Variants in ZPBP observed in about 807,000 individuals in gnomAD.
ZPBP encodes the protein zona pellucida binding protein.
Under a neutral mutation model 44.8 loss-of-function variants are expected in ZPBP, and 26 were observed. The ratio of observed to expected loss-of-function variants is 0.58; its 90% CI spans 0.43 to 0.81. The LOEUF is 0.81. ZPBP is among the 30% of genes least tolerant of loss of function. The pLI is 0.00. For synonymous variants in ZPBP, 174 were observed against 153.2 expected, an observed-to-expected ratio of 1.14 and a Z score of -1.00; for missense variants, 409 against 434.0, an observed-to-expected ratio of 0.94 and a Z score of 0.51.
intron 1 of ZPBP, chr7:49,913,066 GT>G (rs2128743786): frequency 1.3e-5 from 2 of 152,236 alleles, no homozygotes; most frequent in Non-Finnish European, 2.9e-5. Context: ...TCCTAAACAA[GT>G]TTATATACCT....
At chr7:50,024,862 A>G (rs1799252015) in intron 5 of ZPBP, among the ~76,000 whole-genome samples, 1 of 151,928 alleles carries the variant, frequency 6.6e-6, no homozygotes, top group Non-Finnish European at 1.5e-5. Context: ...TGGAGGGGAA[A>G]AGAAAGATAA....
chr7:50,017,641 C>A (rs1191670118), intron 6 of ZPBP, among the ~76,000 whole-genome samples: 1 of 152,000 alleles, frequency 6.6e-6, no homozygotes, highest in Non-Finnish European at 1.5e-5. Context: ...CACTTTACAA[C>A]CATTATAATG....
At position 49,860,333 on chromosome 7, in the gene ZPBP, A is replaced by G. The variant is rs62456374; in HGVS notation, n.510-9819T>C. Among the ~76,000 whole-genome samples, 386 of 152,336 alleles carry G rather than the reference A, an allele frequency of 2.5e-3. 4 individuals carry two copies. The highest frequency in any genetic ancestry group is 4.6e-3 in the Non-Finnish European group (312 of 68,036). On this transcript the variant is annotated intron_variant and non_coding_transcript_variant, in intron 2 of 2. Transcript: ENST00000465922. The stretch of plus-strand genomic sequence containing the variant: ...AATTTACCTGTTCTAGCTATTTCAC[A>G]TGAGTAGACTCATTCAATATTTGTC...
chr7:50,002,113 G>C (rs1798125292), intron 6 of ZPBP, among the ~76,000 whole-genome samples: 1 of 152,054 alleles, frequency 6.6e-6, no homozygotes, highest in Non-Finnish European at 1.5e-5. Flanking sequence ...ATTTATAAAG[G>C]AAAGTGGTTT....
chr7:49,854,790 G>A (rs1283051552), intron 2 of ZPBP, among the ~76,000 whole-genome samples: 2 of 152,170 alleles, frequency 1.3e-5, no homozygotes, highest in Admixed American at 6.6e-5. Flanking sequence ...TCCTCAACAT[G>A]AGCCACACAT....
rs532058845 is a variant in ZPBP, at chr7:50,029,567, G to A, written c.706+1525C>T. ...AAAATGGAAGAAATATTTGCATATCGCATATTAACAAGAATACAGTATTTG... is the reference window on the plus strand; with the variant it reads ...AAAATGGAAGAAATATTTGCATATCACATATTAACAAGAATACAGTATTTG... On this transcript the variant is annotated intron_variant, in intron 5 of 7. Transcript: ENST00000046087. Among the ~76,000 whole-genome samples, 15 of 152,180 alleles carry A rather than the reference G, an allele frequency of 9.9e-5. No individual in the cohort carries two copies. In the South Asian group the frequency reaches 1.4e-3, roughly 15 times the overall value.
intron 7 of ZPBP, among the ~76,000 whole-genome samples, chr7:49,982,698 T>A (rs1797084569): frequency 6.6e-6 from 1 of 151,830 alleles, no homozygotes; most frequent in South Asian, 2.1e-4. Flanking sequence ...AAGACAGGTA[T>A]AAATTTAGTG....
intron 7 of ZPBP, among the ~76,000 whole-genome samples, chr7:49,941,776 A>G (rs1236721664): frequency 3.3e-5 from 5 of 152,118 alleles, no homozygotes; most frequent in Non-Finnish European, 5.9e-5. Flanking sequence ...GAAAAACAAA[A>G]ATCTTTCTCA....
At chr7:50,028,561 T>A (rs1282075655) in intron 5 of ZPBP, among the ~76,000 whole-genome samples, 4 of 151,534 alleles carry the variant, frequency 2.6e-5, no homozygotes, top group Non-Finnish European at 4.4e-5. Flanking sequence ...ACAGACAACA[T>A]GATCTTCTAT....
intron 6 of ZPBP, among the ~76,000 whole-genome samples, chr7:50,005,823 A>ATG (rs71018444): frequency 0.083 from 11,982 of 144,626 alleles, 614 homozygotes; most frequent in Admixed American, 0.18. Flanking sequence ...ATAACTATAT[A>ATG]TGTGTGTGTG....
chr7:50,082,034 A>G, intron 2 of ZPBP, 135 bp from the exon 3 acceptor site: 1 of 972,274 alleles, frequency 1.0e-6, no homozygotes. Flanking sequence ...CTTGATAAAA[A>G]CTAAATTTCA....
At chr7:49,965,111 A>G (rs1466429391) in intron 7 of ZPBP, among the ~76,000 whole-genome samples, 3 of 152,144 alleles carry the variant, frequency 2.0e-5, no homozygotes, top group Non-Finnish European at 4.4e-5. Context: ...CCCAGCTAAT[A>G]AATCTTAAGA....
chr7:50,089,033 C>A (rs1802809806), intron 2 of ZPBP, among the ~76,000 whole-genome samples: 1 of 152,012 alleles, frequency 6.6e-6, no homozygotes, highest in African/African-American at 2.4e-5. Flanking sequence ...ATTTCCAGAA[C>A]AGGCAAACCT....
At position 50,006,341 on chromosome 7, in the gene ZPBP, A is replaced by G. The variant is rs539363660; in HGVS notation, c.783+11899T>C. On this transcript the variant is annotated intron_variant, in intron 6 of 7. Transcript: ENST00000046087. ...CTTTTTCCTAAAGTGCACATGGAAC[A>G]TTCTCCAGGGTAGACCATACGTAAA... 3.3e-3 allele frequency among the ~76,000 whole-genome samples: 495 copies of G among 152,192 alleles called. 5 individuals carry two copies. Among genetic ancestry groups the G allele is most frequent in the Non-Finnish European group, 5.8e-3 (392 of 67,988 alleles).
chr7:49,880,412 T>C (rs1180632928), intron 2 of ZPBP, among the ~76,000 whole-genome samples: 2 of 151,628 alleles, frequency 1.3e-5, no homozygotes, highest in African/African-American at 4.9e-5. Context: ...TAGGCATTTG[T>C]AGCATTTTGT....
chr7:49,840,895 C>T, the ZPBP span, among the ~76,000 whole-genome samples: 1 of 152,200 alleles, frequency 6.6e-6, no homozygotes, highest in East Asian at 1.9e-4. Context: ...AAGTTTTCTG[C>T]CTCTTGGTGA....
intron 6 of ZPBP, among the ~76,000 whole-genome samples, chr7:49,995,383 G>C (rs954118694): frequency 9.9e-5 from 15 of 152,192 alleles, no homozygotes; most frequent in Non-Finnish European, 1.9e-4. Context: ...AAAGGTATCT[G>C]TCAGATCAAC....
intron 5 of ZPBP, among the ~76,000 whole-genome samples, chr7:50,029,112 T>C (rs1261059694): frequency 2.0e-5 from 3 of 152,090 alleles, no homozygotes; most frequent in South Asian, 2.1e-4. Context: ...GTAATCAAAA[T>C]GGTGTACTGA....
intron 2 of ZPBP, among the ~76,000 whole-genome samples, chr7:49,885,633 C>T (rs189840150): frequency 1.1e-4 from 17 of 152,340 alleles, no homozygotes; most frequent in Admixed American, 7.2e-4. Context: ...AATACCTCCT[C>T]TCATTTTATT....
Sources: gnomAD v4.1 joint callset for allele counts (sites outside exome capture counted in the v4.1 genomes callset) on GRCh38, gnomAD v4.1.1 for gene constraint, MANE v1.5 for transcripts, NCBI Gene and HGNC (gene_info 2026-07-23, HGNC 2026-07-21) for gene names.